CPSF4L: variants seen among roughly 807,000 people sequenced by gnomAD.
CPSF4L encodes the protein cleavage and polyadenylation specific factor 4 like, also known as putative cleavage and polyadenylation specificity factor subunit 4-like protein.
A neutral mutation model predicts 24.0 loss-of-function variants in CPSF4L; 18 were observed. The ratio of observed to expected loss-of-function variants is 0.75; its 90% CI spans 0.52 to 1.11. CPSF4L has a LOEUF of 1.11. CPSF4L is among the 50% of genes least tolerant of loss of function. The probability of loss-of-function intolerance (pLI) is 0.00; values close to 1 mark genes in which losing one functional copy is unlikely to be tolerated. For missense variants in CPSF4L, 211 were observed against 221.8 expected, an observed-to-expected ratio of 0.95 and a Z score of 0.31; for synonymous variants, 72 against 77.2, an observed-to-expected ratio of 0.93 and a Z score of 0.35.
downstream of CPSF4L, chr17:73,245,242 G>T: frequency 6.2e-7 from 1 of 1,609,776 alleles, no homozygotes; most frequent in South Asian, 1.1e-5. Flanking sequence ...GCGTACAGTG[G>T]AGACGACTGC....
upstream of CPSF4L, chr17:73,261,907 G>A (rs116241598): frequency 7.7e-4 from 716 of 931,866 alleles, 3 homozygotes; most frequent in African/African-American, 0.01. Context: ...AGGGGCCAGC[G>A]CCCAATGCCT....
chr17:73,243,220 T>A, the CPSF4L span: 1 of 544,040 alleles, frequency 1.8e-6, no homozygotes, highest in Non-Finnish European at 3.4e-6. Context: ...AATGGCACGA[T>A]CTCAGCTCAC....
At chr17:73,246,529 C>T (rs2061952838), downstream of CPSF4L, among the ~76,000 whole-genome samples, 1 of 152,152 alleles carries the variant, frequency 6.6e-6, no homozygotes, top group Non-Finnish European at 1.5e-5. Context: ...GAAGTGAAAC[C>T]TTGTCTCAAA....
intron 1 of CPSF4L, 87 bp from the exon 2 acceptor site, chr17:73,261,070 C>G (rs1197523020): frequency 9.4e-7 from 1 of 1,068,140 alleles, no homozygotes; most frequent in Non-Finnish European, 1.4e-6. Context: ...GCATGTCCCA[C>G]CTAGACCTCC....
At chr17:73,247,722 A>G (rs1039710570), downstream of CPSF4L, 1 of 172,342 alleles carries the variant, frequency 5.8e-6, no homozygotes, top group African/African-American at 2.4e-5. Flanking sequence ...TTTGTTTGAC[A>G]TTGGTAAGTA....
intron 3 of CPSF4L, among the ~76,000 whole-genome samples, chr17:73,254,737 G>A (rs572042876): frequency 2.6e-5 from 4 of 152,214 alleles, no homozygotes; most frequent in African/African-American, 7.2e-5. Flanking sequence ...TCCGCCTCCC[G>A]GGTTCAAGCA....
At chr17:73,258,438 T>G (rs1014737171) in intron 2 of CPSF4L, among the ~76,000 whole-genome samples, 2 of 152,108 alleles carry the variant, frequency 1.3e-5, no homozygotes, top group Non-Finnish European at 2.9e-5. Context: ...CCCAAGTAGC[T>G]GGGATTACAC....
intron 5 of CPSF4L, chr17:73,250,072 T>C (rs1391332910): frequency 1.9e-6 from 1 of 534,208 alleles, no homozygotes; most frequent in Non-Finnish European, 3.2e-6. Flanking sequence ...TGTTGTATTT[T>C]TAGTAGCTCG....
intron 5 of CPSF4L, chr17:73,251,123 G>A (rs2145274569): frequency 6.5e-7 from 1 of 1,529,144 alleles, no homozygotes; most frequent in African/African-American, 1.4e-5. Flanking sequence ...GTGCAGTCGT[G>A]AGAAAACACC....
chr17:73,260,228 A>T (rs934251360), intron 2 of CPSF4L, among the ~76,000 whole-genome samples: 14 of 152,186 alleles, frequency 9.2e-5, no homozygotes, highest in Non-Finnish European at 2.1e-4. Flanking sequence ...CCTCTCTTCT[A>T]GCTGGGAGGA....
chr17:73,251,353 A>G (rs1358672491), intron 5 of CPSF4L, among the ~76,000 whole-genome samples: 1 of 152,002 alleles, frequency 6.6e-6, no homozygotes. Flanking sequence ...CCTGCTCAGA[A>G]CCAGCAGGGA....
In CPSF4L at chr17:73,254,025, A is replaced by C; in HGVS notation, c.309T>G (p.Gly103=). The change falls in exon 4 of 6, where the codon GGT becomes GGG. Residue 103 remains glycine (G), a splice_region_variant and synonymous_variant. Coordinates refer to ENST00000344935, the MANE Select transcript of CPSF4L (RefSeq NM_001129885.1). ...MPECYFYSKF[G]DCSNKECSFL... ...AGGAACACTCCTTGTTGCTGCAGTCACCTGAAAATCCCAGCACTCTCTGTA... is the reference window on the plus strand; with the variant it reads ...AGGAACACTCCTTGTTGCTGCAGTCCCCTGAAAATCCCAGCACTCTCTGTA... 3.2e-6 allele frequency: 5 copies of C among 1,551,148 alleles called. No homozygotes were observed. The highest frequency in any genetic ancestry group is 4.4e-6 in the Non-Finnish European group (5 of 1,146,530).
intron 5 of CPSF4L, chr17:73,251,155 G>A: frequency 2.7e-6 from 4 of 1,458,890 alleles, no homozygotes; most frequent in Non-Finnish European, 3.6e-6. Context: ...GTCCCTGTGT[G>A]CAGACACCAA....
At chr17:73,251,232 TAC>T (rs1568330878) in intron 5 of CPSF4L, 1 of 1,169,962 alleles carries the variant, frequency 8.5e-7, no homozygotes, top group Non-Finnish European at 1.1e-6. Flanking sequence ...TGCCTTTAGT[TAC>T]AGTTTTAAGT....
chr17:73,244,440 G>T (rs2061909098), downstream of CPSF4L: 1 of 151,696 alleles, frequency 6.6e-6, no homozygotes, highest in South Asian at 2.1e-4. Flanking sequence ...GCGGGCGCCT[G>T]TAGTCCCAGC....
intron 5 of CPSF4L, among the ~76,000 whole-genome samples, chr17:73,249,522 G>A (rs2061993794): frequency 6.6e-6 from 1 of 152,114 alleles, no homozygotes; most frequent in South Asian, 2.1e-4. Context: ...AGACTGCCCT[G>A]ACTGGGGACT....
At chr17:73,255,265 C>T (rs961795957) in intron 3 of CPSF4L, among the ~76,000 whole-genome samples, 2 of 151,830 alleles carry the variant, frequency 1.3e-5, no homozygotes, top group Non-Finnish European at 2.9e-5. Flanking sequence ...TTTGTGAAGC[C>T]GAGGTGGTGA....
rs142437148 is a variant in CPSF4L at position 73,248,561 on chromosome 17, G to A, written c.498-25C>T. On this transcript the variant is annotated intron_variant, in intron 5 of 5. Coordinates refer to ENST00000344935, the MANE Select transcript of CPSF4L (RefSeq NM_001129885.1). ...CCTGCAAGGTGCATACAAATGCAGC[G>A]TGAGAATCCATACACGTAATCCATA... is the stretch of plus-strand genomic sequence containing the variant. 1.9e-4 allele frequency: 302 copies of A among 1,551,010 alleles called. 1 individual carries two copies. The African/African-American group carries it at 3.0e-3, about 15-fold the overall frequency.
downstream of CPSF4L, chr17:73,248,118 T>A (rs1308272406): frequency 4.4e-6 from 1 of 224,930 alleles, no homozygotes; most frequent in African/African-American, 2.3e-5. Flanking sequence ...AATACTGATG[T>A]AAAGTTGCCT....
Sources: gnomAD v4.1 joint callset for allele counts (sites outside exome capture counted in the v4.1 genomes callset) on GRCh38, gnomAD v4.1.1 for gene constraint, MANE v1.5 for transcripts, NCBI Gene and HGNC (gene_info 2026-07-23, HGNC 2026-07-21) for gene names.